Variants in ZNF804A observed in about 807,000 individuals in gnomAD.
The protein encoded by ZNF804A is zinc finger protein 804A.
Under a neutral mutation model 16.5 loss-of-function variants are expected in ZNF804A, and 2 were observed. That is an observed-to-expected ratio of 0.12 (90% CI 0.05 to 0.38). The LOEUF is 0.38. Ranked by LOEUF, ZNF804A falls within the 10% of genes least tolerant of loss-of-function variation. The pLI is 0.99. For synonymous variants in ZNF804A, 534 were observed against 489.6 expected, an observed-to-expected ratio of 1.09 and a Z score of -1.20; for missense variants, 1,473 against 1,390.7, an observed-to-expected ratio of 1.06 and a Z score of -0.94.
chr2:184,927,941 G>A lies in ZNF804A; in HGVS notation c.256-5662G>A, dbSNP rs145450611. Among the ~76,000 whole-genome samples, 482 of 152,104 alleles carry A rather than the reference G, an allele frequency of 3.2e-3. 1 individual carries two copies. The highest frequency in any genetic ancestry group is 0.011 in the African/African-American group (462 of 41,490). ...TGCAAAAGCCAAATCCTGGATTCAG[G>A]GACCCCAAGAGATCATTTGGTGCTC... On this transcript the variant is annotated intron_variant, in intron 2 of 3. Transcript: ENST00000302277.
At chr2:184,832,319 C>T (rs1695276619) in intron 1 of ZNF804A, among the ~76,000 whole-genome samples, 1 of 151,984 alleles carries the variant, frequency 6.6e-6, no homozygotes, top group South Asian at 2.1e-4. Context: ...CTTTAGGAGT[C>T]AAGAACTTAG....
At chr2:184,838,823 T>G (rs1297401105) in intron 1 of ZNF804A, among the ~76,000 whole-genome samples, 2 of 152,116 alleles carry the variant, frequency 1.3e-5, no homozygotes, top group Non-Finnish European at 2.9e-5. Flanking sequence ...AGCCCGGCAG[T>G]GCTCTATTTG....
chr2:184,645,533 C>A (rs771483004), intron 1 of ZNF804A, among the ~76,000 whole-genome samples: 4 of 151,606 alleles, frequency 2.6e-5, no homozygotes, highest in Non-Finnish European at 5.9e-5. Context: ...TTTAAAGTTC[C>A]AGAGGGAAAC....
chr2:184,673,239 A>C (rs957601688), intron 1 of ZNF804A, among the ~76,000 whole-genome samples: 3 of 152,206 alleles, frequency 2.0e-5, no homozygotes, highest in Admixed American at 1.3e-4. Context: ...AAAAAGGGAT[A>C]GACATTGCTT....
chr2:184,838,989 A>G (rs532311048), intron 1 of ZNF804A, among the ~76,000 whole-genome samples: 1 of 152,236 alleles, frequency 6.6e-6, no homozygotes, highest in Admixed American at 6.5e-5. Context: ...TGTTGGTTAC[A>G]TGGTCATTAC....
At chr2:184,848,402 G>T (rs1307526611) in intron 1 of ZNF804A, among the ~76,000 whole-genome samples, 1 of 151,754 alleles carries the variant, frequency 6.6e-6, no homozygotes, top group South Asian at 2.1e-4. Flanking sequence ...AATGCCCAAA[G>T]GTATTCTATC....
At chr2:184,781,882 A>T (rs956434881) in intron 1 of ZNF804A, among the ~76,000 whole-genome samples, 1 of 151,898 alleles carries the variant, frequency 6.6e-6, no homozygotes, top group Non-Finnish European at 1.5e-5. Context: ...AAGAACAGAA[A>T]TTATTTTTCT....
At chr2:184,913,039 C>T (rs1334269977) in intron 2 of ZNF804A, among the ~76,000 whole-genome samples, 1 of 151,994 alleles carries the variant, frequency 6.6e-6, no homozygotes, top group Non-Finnish European at 1.5e-5. Flanking sequence ...CCTATAATCA[C>T]CTTTAAGACT....
At chr2:184,904,560 T>C (rs1455943472) in intron 2 of ZNF804A, among the ~76,000 whole-genome samples, 9 of 152,096 alleles carry the variant, frequency 5.9e-5, no homozygotes, top group South Asian at 4.1e-4. Flanking sequence ...AAAATCTACT[T>C]CTTTGGGTAA....
At chr2:184,829,920 AAACAAAAAC>A (rs1472838529) in intron 1 of ZNF804A, among the ~76,000 whole-genome samples, 1,532 of 94,178 alleles carry the variant, frequency 0.016, 132 homozygotes, top group African/African-American at 0.036. Context: ...AAAAAAAAAA[AAACAAAAAC>A]AAAAAAAAAA....
chr2:184,679,519 T>C (rs1692501923), intron 1 of ZNF804A, among the ~76,000 whole-genome samples: 1 of 152,180 alleles, frequency 6.6e-6, no homozygotes. Context: ...TGGACATCTC[T>C]GCACTCCCGG....
At chr2:184,764,887 A>G (rs940007414) in intron 1 of ZNF804A, among the ~76,000 whole-genome samples, 1 of 152,196 alleles carries the variant, frequency 6.6e-6, no homozygotes, top group Admixed American at 6.5e-5. Context: ...AATCATTTAA[A>G]AAAATCTAAC....
At chr2:184,773,813 A>T (rs950909791) in intron 1 of ZNF804A, among the ~76,000 whole-genome samples, 16 of 151,934 alleles carry the variant, frequency 1.1e-4, no homozygotes, top group South Asian at 2.1e-4. Flanking sequence ...AAAATTTTTT[A>T]AAAAATTATA....
chr2:184,759,162 G>A (rs1198429484), intron 1 of ZNF804A, among the ~76,000 whole-genome samples: 1 of 150,750 alleles, frequency 6.6e-6, no homozygotes, highest in Non-Finnish European at 1.5e-5. Flanking sequence ...TGGAGGTATT[G>A]TTATTCTCAT....
chr2:184,741,339 T>A (rs1343363117), intron 1 of ZNF804A, among the ~76,000 whole-genome samples: 3 of 152,208 alleles, frequency 2.0e-5, no homozygotes, highest in African/African-American at 7.2e-5. Context: ...CTAACTTTCC[T>A]GGCAATGATG....
chr2:184,645,011 C>T (rs1171843193), intron 1 of ZNF804A, among the ~76,000 whole-genome samples: 2 of 151,844 alleles, frequency 1.3e-5, no homozygotes, highest in Non-Finnish European at 2.9e-5. Flanking sequence ...TTATCACCTG[C>T]TTGTAGTGTA....
intron 1 of ZNF804A, among the ~76,000 whole-genome samples, chr2:184,813,409 T>C (rs1386802864): frequency 2.0e-5 from 3 of 152,088 alleles, no homozygotes; most frequent in Non-Finnish European, 4.4e-5. Flanking sequence ...GGGTTTGAGC[T>C]GGATATTGAA....
At chr2:184,925,863 C>A (rs1378284547) in intron 2 of ZNF804A, among the ~76,000 whole-genome samples, 1 of 151,746 alleles carries the variant, frequency 6.6e-6, no homozygotes, top group African/African-American at 2.4e-5. Context: ...TAACTTTGTT[C>A]CCCTCCTATT....
At chr2:184,909,752 G>GA (rs996797500) in intron 2 of ZNF804A, among the ~76,000 whole-genome samples, 6 of 142,550 alleles carry the variant, frequency 4.2e-5, no homozygotes, top group East Asian at 2.0e-4. Flanking sequence ...TCTGAATAAG[G>GA]AAAAAAAAAG....
Sources: allele counts gnomAD v4.1 joint callset (sites outside exome capture counted in the v4.1 genomes callset), GRCh38; gene constraint gnomAD v4.1.1; transcripts MANE v1.5; gene names NCBI Gene and HGNC (gene_info 2026-07-23, HGNC 2026-07-21).